The following TBC1D15 variants were observed in gnomAD, a reference collection of about 807,000 sequenced individuals.
TBC1D15 encodes the protein GAP for RAB7.
A neutral mutation model predicts 95.4 loss-of-function variants in TBC1D15; 39 were observed. That is an observed-to-expected ratio of 0.41 (90% CI 0.32 to 0.53). The LOEUF (loss-of-function observed/expected upper bound fraction) is 0.53. Ranked by LOEUF, TBC1D15 falls within the 20% of genes least tolerant of loss-of-function variation. The pLI is 0.29. For missense variants in TBC1D15, 733 were observed against 794.3 expected (o/e 0.92, Z 0.93); for synonymous variants, 258 against 261.3 (o/e 0.99, Z 0.12).
At chr12:71,870,330 A>G (rs778133397) in intron 1 of TBC1D15, among the ~76,000 whole-genome samples, 6 of 152,002 alleles carry the variant, frequency 3.9e-5, no homozygotes, top group Non-Finnish European at 8.8e-5. Flanking sequence ...ATTTATCTGT[A>G]GGCTTTAAAA....
chr12:71,861,994 T>G (rs1298684880), intron 1 of TBC1D15, among the ~76,000 whole-genome samples: 1 of 152,166 alleles, frequency 6.6e-6, no homozygotes, highest in Non-Finnish European at 1.5e-5. Flanking sequence ...ATTTGCAAGT[T>G]CTTGTTTCTG....
At chr12:71,854,329 C>A (rs145870210) in intron 1 of TBC1D15, among the ~76,000 whole-genome samples, 1 of 152,206 alleles carries the variant, frequency 6.6e-6, no homozygotes, top group African/African-American at 2.4e-5. Context: ...CCATCTTGGC[C>A]AGAAGTGGAA....
At chr12:71,843,731 GCTGA>G (rs887579281) in intron 1 of TBC1D15, among the ~76,000 whole-genome samples, 2 of 151,916 alleles carry the variant, frequency 1.3e-5, no homozygotes, top group Admixed American at 6.6e-5. Context: ...TCATTGCAGC[GCTGA>G]CTGTGTATCT....
At chr12:71,868,436 C>T (rs1463174315) in intron 1 of TBC1D15, among the ~76,000 whole-genome samples, 2 of 151,884 alleles carry the variant, frequency 1.3e-5, no homozygotes, top group Non-Finnish European at 2.9e-5. Flanking sequence ...TTAGTAGAGA[C>T]GAGGTTTCAC....
intron 4 of TBC1D15, among the ~76,000 whole-genome samples, chr12:71,883,477 T>TC (rs1895621132): frequency 6.6e-6 from 1 of 152,158 alleles, no homozygotes; most frequent in African/African-American, 2.4e-5. Flanking sequence ...TGTTTAAGTG[T>TC]CCATGAAATA....
chr12:71,913,912 T>C lies in TBC1D15; in HGVS notation c.1387T>C (p.Tyr463His). The C allele has an allele frequency of 6.3e-7, 1 of 1,590,586 alleles. No individual in the cohort carries two copies. The highest frequency in any genetic ancestry group is 8.5e-7 in the Non-Finnish European group (1 of 1,171,684). Residue 463 changes from tyrosine (Y) to histidine (H), a missense_variant, in exon 12 of 17, where the codon TAC becomes CAC. Physicochemically the swap from Tyr to His is moderately conservative, Grantham distance 83. Transcript: ENST00000485960. ...EVDAFWCFAS[Y>H]MDQMHQNFEE... ...GGATGCCTTTTGGTGCTTTGCCTCT[T>C]ACATGGACCAAATGGTAAGAACAGA...
chr12:71,912,924 T>A (rs1902756293), intron 11 of TBC1D15, among the ~76,000 whole-genome samples: 1 of 152,098 alleles, frequency 6.6e-6, no homozygotes, highest in Admixed American at 6.6e-5. Context: ...ATTTTTCAAG[T>A]CTTGAAAATT....
At chr12:71,913,744 C>G (rs1022430361) in intron 11 of TBC1D15, 82 bp from the exon 12 acceptor site, 1 of 864,380 alleles carries the variant, frequency 1.2e-6, no homozygotes, top group Non-Finnish European at 1.8e-6. Context: ...CAATTTTAAG[C>G]GAAATGGTGG....
At chr12:71,860,550 A>G (rs370924537) in intron 1 of TBC1D15, among the ~76,000 whole-genome samples, 2 of 152,190 alleles carry the variant, frequency 1.3e-5, no homozygotes. Flanking sequence ...CTGCTAGTTC[A>G]TTGTTGCTGT....
rs550308401 is a variant in TBC1D15, at chr12:71,855,943, TG to T, written c.31-16118del. Reference sequence around the variant, plus strand: ...TCTTGTTATTGTATGTGGTTTTTTTTGGGGGGGGGTATCTTGTTCAAATTTC... The same window carrying T: ...TCTTGTTATTGTATGTGGTTTTTTTTGGGGGGGGTATCTTGTTCAAATTTC... On this transcript the variant is annotated intron_variant, in intron 1 of 16. Coordinates refer to ENST00000485960, the MANE Select transcript of TBC1D15 (RefSeq NM_001146213.3). Among the ~76,000 whole-genome samples the T allele has an allele frequency of 4.3e-4, 62 of 145,020 alleles. 1 individual carries two copies. The highest frequency in any genetic ancestry group is 3.5e-3 in the Middle Eastern group (1 of 284).
rs1204679478 is a variant in TBC1D15 at position 71,918,680 on chromosome 12, C to A, written c.1599+132C>A. 7.3e-6 allele frequency: 4 copies of A among 548,754 alleles called. No homozygotes were observed. The Admixed American group carries it at 1.1e-4, about 16-fold the overall frequency. 34.0% of individuals were successfully genotyped at this position (548,754 alleles called of 1,614,324 possible). On this transcript the variant is annotated intron_variant, in intron 14 of 16. Transcript: ENST00000485960. ...AAGTATGTTCCAAAATTCTGATGAACTGGTAGCCTCTTCTTAAAAATTAGT... is the reference window on the plus strand; with the variant it reads ...AAGTATGTTCCAAAATTCTGATGAAATGGTAGCCTCTTCTTAAAAATTAGT...
intron 1 of TBC1D15, among the ~76,000 whole-genome samples, chr12:71,865,244 C>T (rs1446657095): frequency 6.6e-6 from 1 of 152,150 alleles, no homozygotes. Flanking sequence ...CCCACAGAGC[C>T]AGGATGTATG....
intron 2 of TBC1D15, 141 bp downstream of exon 2, chr12:71,872,309 A>T: frequency 2.0e-6 from 1 of 491,948 alleles, no homozygotes; most frequent in South Asian, 4.3e-5. Context: ...CACCGAAATG[A>T]TGTAATAGTC....
At chr12:71,879,121 G>GTCTC (rs138891683) in intron 3 of TBC1D15, among the ~76,000 whole-genome samples, 2 of 150,028 alleles carry the variant, frequency 1.3e-5, no homozygotes, top group African/African-American at 2.5e-5. Flanking sequence ...TCCCTTACCT[G>GTCTC]TCTCTCTCTC....
rs200359577 is a variant in TBC1D15 at position 71,910,958 on chromosome 12, C to T, written c.1301-2868C>T. Among the ~76,000 whole-genome samples the T allele has an allele frequency of 8.7e-4, 133 of 152,104 alleles. 1 individual carries two copies. In the East Asian group the frequency reaches 0.02, roughly 23 times the overall value. Reference sequence around the variant, plus strand: ...ACAAACAACCCCATCAAAAAGTGGGCGAAGGACATGAACAGACACTTCTCA... The same window carrying T: ...ACAAACAACCCCATCAAAAAGTGGGTGAAGGACATGAACAGACACTTCTCA... On this transcript the variant is annotated intron_variant, in intron 11 of 16. Transcript: ENST00000485960.
intron 5 of TBC1D15, among the ~76,000 whole-genome samples, chr12:71,888,753 A>G (rs1397507242): frequency 5.9e-5 from 9 of 152,170 alleles, no homozygotes; most frequent in African/African-American, 2.2e-4. Context: ...TCTCAATCTC[A>G]GCACTTAAGT....
chr12:71,839,843 T>A, intron 1 of TBC1D15, 32 bp downstream of exon 1: 1 of 1,613,948 alleles, frequency 6.2e-7, no homozygotes, highest in Non-Finnish European at 8.5e-7. Context: ...GACCTCGGCT[T>A]TTCTCTGGGA....
At chr12:71,884,616 A>T (rs1032103145) in intron 4 of TBC1D15, among the ~76,000 whole-genome samples, 195 bp from the exon 5 acceptor site, 2 of 152,262 alleles carry the variant, frequency 1.3e-5, no homozygotes, top group East Asian at 3.9e-4. Flanking sequence ...ATGTGGTAGG[A>T]TAATTATTTT....
intron 5 of TBC1D15, among the ~76,000 whole-genome samples, chr12:71,888,539 T>C (rs887099238): frequency 6.6e-6 from 1 of 152,046 alleles, no homozygotes; most frequent in Non-Finnish European, 1.5e-5. Flanking sequence ...CATATGACAT[T>C]ATAATAATTC....
Sources: gnomAD v4.1 joint callset for allele counts (sites outside exome capture counted in the v4.1 genomes callset) on GRCh38, gnomAD v4.1.1 for gene constraint, MANE v1.5 for transcripts, NCBI Gene and HGNC (gene_info 2026-07-23, HGNC 2026-07-21) for gene names.